Variants in SNTG1 observed in about 807,000 individuals in gnomAD.
SNTG1 encodes the protein syntrophin gamma 1.
Under a neutral mutation model 74.7 loss-of-function variants are expected in SNTG1, and 39 were observed. The observed-to-expected ratio is 0.52, with a 90% CI of 0.40 to 0.68. SNTG1 has a LOEUF of 0.68. Among genes scored for constraint, SNTG1 ranks in the 30% least tolerant of loss-of-function variants. The pLI is 0.00. For synonymous variants in SNTG1, 254 were observed against 217.1 expected (o/e 1.17, Z -1.49); for missense variants, 685 against 609.5 (o/e 1.12, Z -1.30).
chr8:49,926,759 A>G (rs1269840078), intron 1 of SNTG1, among the ~76,000 whole-genome samples: 1 of 152,176 alleles, frequency 6.6e-6, no homozygotes, highest in African/African-American at 2.4e-5. Flanking sequence ...TTAAAATTAA[A>G]AATATCTCCT....
chr8:50,010,718 A>T (rs1815699860), intron 1 of SNTG1, among the ~76,000 whole-genome samples: 1 of 151,854 alleles, frequency 6.6e-6, no homozygotes, highest in Non-Finnish European at 1.5e-5. Flanking sequence ...CAGAATATTT[A>T]AGAGGAATTC....
chr8:50,022,369 G>C (rs529038877), intron 1 of SNTG1, among the ~76,000 whole-genome samples: 1 of 152,168 alleles, frequency 6.6e-6, no homozygotes, highest in East Asian at 1.9e-4. Flanking sequence ...AGCAAGGCTT[G>C]AGAAGGCAGC....
intron 12 of SNTG1, among the ~76,000 whole-genome samples, chr8:50,558,994 G>A (rs1454943718): frequency 1.3e-5 from 2 of 152,098 alleles, no homozygotes; most frequent in African/African-American, 4.8e-5. Flanking sequence ...TTTAGAAACA[G>A]GAAGTACATG....
At chr8:50,227,338 A>G (rs1378800452) in intron 2 of SNTG1, among the ~76,000 whole-genome samples, 1 of 152,182 alleles carries the variant, frequency 6.6e-6, no homozygotes, top group African/African-American at 2.4e-5. Context: ...CCAGATTCTG[A>G]TGGTAAAATC....
chr8:50,590,487 C>A (rs182344881), intron 12 of SNTG1, among the ~76,000 whole-genome samples: 61 of 152,092 alleles, frequency 4.0e-4, no homozygotes, highest in African/African-American at 1.3e-3. Flanking sequence ...TTGGATATTG[C>A]GCTTCCCTGT....
chr8:49,953,354 A>G (rs1486781318), intron 1 of SNTG1, among the ~76,000 whole-genome samples: 3 of 152,152 alleles, frequency 2.0e-5, no homozygotes, highest in Admixed American at 6.5e-5. Context: ...GGGGAAACAG[A>G]GGATAAATTT....
In SNTG1 at chr8:50,090,280, C is replaced by T. The variant is rs150328145; in HGVS notation, c.-102-82281C>T. ...AATAAAAGGGGAATTGGTTGGCTCA[C>T]GACTTGTAACCGAAGAGGTAAGGAT... On this transcript the variant is annotated intron_variant, in intron 1 of 18. Coordinates refer to ENST00000642720, the MANE Select transcript of SNTG1 (RefSeq NM_018967.5). Among the ~76,000 whole-genome samples, 265 of 152,244 alleles carry T rather than the reference C, an allele frequency of 1.7e-3. No homozygotes were observed. In the Middle Eastern group the frequency reaches 0.031, roughly 18 times the overall value.
At chr8:50,604,429 A>G (rs1162571066) in intron 13 of SNTG1, among the ~76,000 whole-genome samples, 1 of 152,026 alleles carries the variant, frequency 6.6e-6, no homozygotes, top group Non-Finnish European at 1.5e-5. Context: ...AAAGAAAGAA[A>G]AAAAAAAAGA....
intron 9 of SNTG1, among the ~76,000 whole-genome samples, chr8:50,508,176 T>C (rs947053774): frequency 1.3e-5 from 2 of 152,176 alleles, no homozygotes; most frequent in Admixed American, 1.3e-4. Context: ...GTGTTTGGTT[T>C]TTTGTCCTTG....
chr8:50,015,928 C>A (rs1323649063), intron 1 of SNTG1, among the ~76,000 whole-genome samples: 1 of 152,120 alleles, frequency 6.6e-6, no homozygotes, highest in Non-Finnish European at 1.5e-5. Context: ...ATTCATTCAA[C>A]TTTTGAAGCA....
At chr8:50,586,037 C>T (rs1420336834) in intron 12 of SNTG1, among the ~76,000 whole-genome samples, 1 of 152,160 alleles carries the variant, frequency 6.6e-6, no homozygotes, top group African/African-American at 2.4e-5. Context: ...TCTATCTGTT[C>T]ATTCCCCACC....
At chr8:50,335,871 C>G (rs530682166) in intron 2 of SNTG1, among the ~76,000 whole-genome samples, 1 of 97,160 alleles carries the variant, frequency 1.0e-5, no homozygotes, top group Non-Finnish European at 2.4e-5. Context: ...TTTATGTTAC[C>G]CTTATGGGAT....
In SNTG1 at chr8:50,024,713, A is replaced by G. The variant is rs551933706; in HGVS notation, c.-103+112482A>G. 2.0e-5 allele frequency among the ~76,000 whole-genome samples: 3 copies of G among 152,274 alleles called. No individual in the cohort carries two copies. In the South Asian group the frequency reaches 6.2e-4, roughly 32 times the overall value. ...TGAAATGATTAAAACAGTATACTAT[A>G]ATAAAAGTTAGTGAACGTTGTCTCT... On this transcript the variant is annotated intron_variant, in intron 1 of 18. Coordinates refer to ENST00000642720, the MANE Select transcript of SNTG1 (RefSeq NM_018967.5).
intron 1 of SNTG1, among the ~76,000 whole-genome samples, chr8:49,968,282 A>G (rs1191775290): frequency 6.6e-6 from 1 of 152,160 alleles, no homozygotes; most frequent in Non-Finnish European, 1.5e-5. Context: ...AAAACACAAT[A>G]TATTTGCTTA....
At chr8:50,284,562 T>A (rs2130475495) in intron 2 of SNTG1, among the ~76,000 whole-genome samples, 1 of 152,254 alleles carries the variant, frequency 6.6e-6, no homozygotes, top group South Asian at 2.1e-4. Flanking sequence ...AAGCACTTCC[T>A]TACTTCCTGG....
At chr8:50,102,512 C>T (rs1459387907) in intron 1 of SNTG1, among the ~76,000 whole-genome samples, 2 of 144,130 alleles carry the variant, frequency 1.4e-5, no homozygotes, top group Non-Finnish European at 3.0e-5. Context: ...TGTAGGTTGC[C>T]TGTTCACTCT....
chr8:50,255,050 T>G (rs181347870), intron 2 of SNTG1, among the ~76,000 whole-genome samples: 70 of 151,728 alleles, frequency 4.6e-4, no homozygotes, highest in Admixed American at 4.1e-3. Flanking sequence ...TCTGAAAGTA[T>G]TTATCACTGT....
At chr8:50,202,436 T>C (rs949589584) in intron 2 of SNTG1, among the ~76,000 whole-genome samples, 2 of 152,104 alleles carry the variant, frequency 1.3e-5, no homozygotes, top group South Asian at 2.1e-4. Context: ...TGTGATATAA[T>C]TGAAAGCATA....
In SNTG1 at chr8:50,333,944, A is replaced by G. The variant is rs558902329; in HGVS notation, c.-27-60268A>G. Among the ~76,000 whole-genome samples, 18 of 152,340 alleles carry G rather than the reference A, an allele frequency of 1.2e-4. 1 individual carries two copies. Among genetic ancestry groups the G allele is most frequent in the African/African-American group, 4.1e-4 (17 of 41,572 alleles). ...ATACAATCTTACATGGATAATGTAC[A>G]TAATTTAGATTCTTGTCAAAAAAGA... is the stretch of plus-strand genomic sequence containing the variant. On this transcript the variant is annotated intron_variant, in intron 2 of 18. Coordinates refer to ENST00000642720, the MANE Select transcript of SNTG1 (RefSeq NM_018967.5).
Sources: gnomAD v4.1 joint callset for allele counts (sites outside exome capture counted in the v4.1 genomes callset) on GRCh38, gnomAD v4.1.1 for gene constraint, MANE v1.5 for transcripts, NCBI Gene and HGNC (gene_info 2026-07-23, HGNC 2026-07-21) for gene names.